The following MAGI2 variants were observed in gnomAD, a reference collection of about 807,000 sequenced individuals.
The protein encoded by MAGI2 is membrane associated guanylate kinase, WW and PDZ domain containing 2, also known as membrane-associated guanylate kinase, WW and PDZ domain-containing protein 2.
A neutral mutation model predicts 133.3 loss-of-function variants in MAGI2; 35 were observed. The observed-to-expected ratio is 0.26, with a 90% confidence interval of 0.20 to 0.35. The LOEUF is 0.35. Among genes scored for constraint, MAGI2 ranks in the 10% least tolerant of loss-of-function variants. The probability of loss-of-function intolerance (pLI) is 1.00; values close to 1 mark genes in which losing one functional copy is unlikely to be tolerated. For synonymous variants in MAGI2, 729 were observed against 710.6 expected, an observed-to-expected ratio of 1.03 and a Z score of -0.41; for missense variants, 1,636 against 1,863.4, an observed-to-expected ratio of 0.88 and a Z score of 2.25.
chr7:78,221,841 G>A (rs1445187921), intron 10 of MAGI2, among the ~76,000 whole-genome samples: 1 of 151,378 alleles, frequency 6.6e-6, no homozygotes, highest in African/African-American at 2.4e-5. Context: ...TCTCTATATT[G>A]CCTAGGCTGG....
At chr7:79,190,156 G>A (rs539517028) in intron 1 of MAGI2, among the ~76,000 whole-genome samples, 2 of 151,926 alleles carry the variant, frequency 1.3e-5, no homozygotes, top group African/African-American at 4.8e-5. Context: ...GAGCATGGTT[G>A]TTGGACTGTC....
intron 1 of MAGI2, among the ~76,000 whole-genome samples, chr7:79,134,043 T>C (rs979202331): frequency 1.3e-5 from 2 of 152,202 alleles, no homozygotes; most frequent in African/African-American, 4.8e-5. Flanking sequence ...GACAAAGCAA[T>C]ACAAATTCTT....
Position 78,256,444 on chromosome 7 carries a change from G to A in MAGI2, c.1546C>T (p.Pro516Ser). The A allele has an allele frequency of 6.2e-7, 1 of 1,613,856 alleles. No individual in the cohort carries two copies. Among genetic ancestry groups the A allele is most frequent in the South Asian group, 1.1e-5 (1 of 91,078 alleles). ...ACCATGCTGTTAGCAGGGTCTTCAG[G>A]ATCAAAGGGCAAAGGGTAGCCACGA... ...LCRGYPLPFD[P>S]EDPANSMVPP... is the part of the protein sequence containing the mutation. Residue 516 changes from proline (P) to serine (S), a missense_variant, in exon 10 of 22, where the codon CCT becomes TCT. By Grantham distance (74) the Pro-to-Ser change is moderately conservative (BLOSUM62 -1). This residue lies in a region of MAGI2 where 920 missense variants were observed against 1,093.5 expected (regional missense o/e 0.84). Transcript: ENST00000354212.
chr7:78,365,417 A>C (rs931911420), intron 7 of MAGI2, among the ~76,000 whole-genome samples: 29 of 152,114 alleles, frequency 1.9e-4, no homozygotes, highest in Non-Finnish European at 3.4e-4. Context: ...TTTGGGTAAG[A>C]GTTTGGAGTC....
At chr7:79,391,821 C>T (rs1169996354) in intron 1 of MAGI2, among the ~76,000 whole-genome samples, 2 of 151,830 alleles carry the variant, frequency 1.3e-5, no homozygotes, top group Non-Finnish European at 2.9e-5. Context: ...GCAGCTGGGA[C>T]TACAGGCGCA....
At chr7:78,307,805 A>G (rs1015395546) in intron 9 of MAGI2, among the ~76,000 whole-genome samples, 1 of 152,204 alleles carries the variant, frequency 6.6e-6, no homozygotes, top group Non-Finnish European at 1.5e-5. Context: ...TATATGATTA[A>G]AATTTTCCAG....
intron 1 of MAGI2, among the ~76,000 whole-genome samples, chr7:79,255,263 G>T (rs758916356): frequency 1.3e-5 from 2 of 152,136 alleles, no homozygotes; most frequent in Non-Finnish European, 2.9e-5. Flanking sequence ...AAGTGGGATT[G>T]TTCTAATGTT....
chr7:78,725,589 G>A (rs77029327), intron 2 of MAGI2, among the ~76,000 whole-genome samples: 6,280 of 152,272 alleles, frequency 0.041, 223 homozygotes, highest in East Asian at 0.18. Flanking sequence ...ACAAGGTCAG[G>A]AGATAGAGAC....
intron 2 of MAGI2, among the ~76,000 whole-genome samples, chr7:78,689,293 T>A (rs73145192): frequency 0.05 from 7,657 of 152,276 alleles, 275 homozygotes; most frequent in Non-Finnish European, 0.077. Context: ...TTCCACGATA[T>A]ATGTTGAAAA....
chr7:79,138,209 G>A (rs1821773407), intron 1 of MAGI2, among the ~76,000 whole-genome samples: 1 of 152,100 alleles, frequency 6.6e-6, no homozygotes, highest in African/African-American at 2.4e-5. Context: ...TTCCATTTGT[G>A]GTAATTTTTT....
At chr7:78,982,310 A>G (rs374573508) in intron 2 of MAGI2, among the ~76,000 whole-genome samples, 199 of 151,994 alleles carry the variant, frequency 1.3e-3, no homozygotes, top group African/African-American at 4.7e-3. Context: ...CAGAACCACA[A>G]ATTCTTCATC....
chr7:78,322,980 A>G (rs114957978), intron 9 of MAGI2, among the ~76,000 whole-genome samples: 1,696 of 152,000 alleles, frequency 0.011, 32 homozygotes, highest in African/African-American at 0.039. Context: ...TATAAAGAAA[A>G]ATATCAAAAA....
chr7:79,309,508 CTAGCA>C (rs1334847119), intron 1 of MAGI2, among the ~76,000 whole-genome samples: 1 of 151,770 alleles, frequency 6.6e-6, no homozygotes, highest in Admixed American at 6.6e-5. Flanking sequence ...AGCATACATA[CTAGCA>C]TGAGACATAC....
At chr7:78,160,638 T>C (rs929322235) in intron 15 of MAGI2, among the ~76,000 whole-genome samples, 1 of 152,184 alleles carries the variant, frequency 6.6e-6, no homozygotes, top group Non-Finnish European at 1.5e-5. Context: ...ACAAAACAAG[T>C]AGAATCTTAC....
chr7:78,741,683 A>G (rs1350294719), intron 2 of MAGI2, among the ~76,000 whole-genome samples: 1 of 152,094 alleles, frequency 6.6e-6, no homozygotes, highest in Non-Finnish European at 1.5e-5. Context: ...TTTACTTTGG[A>G]CAAGTTACTT....
In MAGI2 at chr7:78,213,421, C is replaced by T. The variant is rs117444509; in HGVS notation, c.2048-12228G>A. Among the ~76,000 whole-genome samples the T allele has an allele frequency of 6.0e-3, 906 of 152,266 alleles. 7 individuals are homozygous for T. The highest frequency in any genetic ancestry group is 0.011 in the Non-Finnish European group (716 of 68,014). ...AATTTTTTTGTCCTTTGACTCCCTA[C>T]GATCAATATTTATCAAAAGAGAGAC... On this transcript the variant is annotated intron_variant, in intron 10 of 21. Coordinates refer to ENST00000354212, the MANE Select transcript of MAGI2 (RefSeq NM_012301.4).
chr7:78,396,500 T>C (rs7791201), intron 6 of MAGI2, among the ~76,000 whole-genome samples: 55,657 of 152,064 alleles, frequency 0.37, 10,782 homozygotes, highest in Middle Eastern at 0.48. Context: ...TCCTCATCAT[T>C]CAAATCTCCT....
chr7:78,023,590 C>T (rs1000891190), intron 21 of MAGI2, among the ~76,000 whole-genome samples: 9 of 152,190 alleles, frequency 5.9e-5, no homozygotes, highest in African/African-American at 2.2e-4. Context: ...ATTTATGCAG[C>T]CCCTTTGTCC....
chr7:78,708,968 C>A (rs1456146284), intron 2 of MAGI2, among the ~76,000 whole-genome samples: 2 of 152,108 alleles, frequency 1.3e-5, no homozygotes, highest in Non-Finnish European at 2.9e-5. Context: ...CCCTTCCAAT[C>A]TGTCTCCTTC....
Sources: gnomAD v4.1 joint callset for allele counts (sites outside exome capture counted in the v4.1 genomes callset) on GRCh38, gnomAD v4.1.1 for gene constraint, gnomAD v4.1.1 regional missense constraint, MANE v1.5 for transcripts, NCBI Gene and HGNC (gene_info 2026-07-23, HGNC 2026-07-21) for gene names.